Variants in DAAM1 observed in about 807,000 individuals in gnomAD.
DAAM1 encodes the protein dishevelled associated activator of morphogenesis 1.
A neutral mutation model predicts 130.0 loss-of-function variants in DAAM1; 52 were observed. The observed-to-expected ratio is 0.40, with a 90% CI of 0.32 to 0.50. DAAM1 has a LOEUF of 0.50. Among genes scored for constraint, DAAM1 ranks in the 20% least tolerant of loss-of-function variants. The probability of loss-of-function intolerance (pLI) is 0.61; values close to 1 mark genes in which losing one functional copy is unlikely to be tolerated. For missense variants in DAAM1, 1,134 were observed against 1,303.8 expected, an observed-to-expected ratio of 0.87 and a Z score of 2.01; for synonymous variants, 452 against 444.5, an observed-to-expected ratio of 1.02 and a Z score of -0.21.
At chr14:59,354,443 C>CA (rs1427950882) in intron 19 of DAAM1, among the ~76,000 whole-genome samples, 4 of 152,142 alleles carry the variant, frequency 2.6e-5, no homozygotes, top group Non-Finnish European at 5.9e-5. Context: ...GTGCTTGATG[C>CA]ACTGCCCTAG....
chr14:59,285,807 A>T (rs1230915106), intron 2 of DAAM1, among the ~76,000 whole-genome samples: 2 of 152,066 alleles, frequency 1.3e-5, no homozygotes, highest in African/African-American at 4.8e-5. Context: ...GATTTAGAGA[A>T]CCAAACAGTG....
intron 1 of DAAM1, among the ~76,000 whole-genome samples, chr14:59,236,527 G>A (rs1053787113): frequency 6.6e-6 from 1 of 151,972 alleles, no homozygotes; most frequent in African/African-American, 2.4e-5. Flanking sequence ...TCTTCTTGTC[G>A]TCGTTTAAAT....
chr14:59,369,935 G>A lies in DAAM1; in HGVS notation c.*1076G>A, dbSNP rs976549114. 1 of 151,738 alleles carries A rather than the reference G, an allele frequency of 6.6e-6. No homozygotes were observed. Among genetic ancestry groups the A allele is most frequent in the Non-Finnish European group, 1.5e-5 (1 of 67,914 alleles). 9.4% of individuals were successfully genotyped at this position (151,738 alleles called of 1,614,324 possible). A position where few individuals can be genotyped will look rare whatever the true frequency, so the allele number is the denominator to read the frequency against. On this transcript the variant is annotated 3_prime_UTR_variant, in exon 25 of 25. Transcript: ENST00000360909. ...GATCTATTTATCTCTAAGTATATTT[G>A]AAGTGATTGCTGTTTATATGTTGTC...
intron 1 of DAAM1, among the ~76,000 whole-genome samples, chr14:59,217,319 T>C (rs780197719): frequency 2.0e-5 from 3 of 152,188 alleles, no homozygotes; most frequent in Non-Finnish European, 2.9e-5. Context: ...TAACACTTCA[T>C]GTACCCACCT....
chr14:59,202,360 A>G (rs1226380549), intron 1 of DAAM1, among the ~76,000 whole-genome samples: 1 of 152,206 alleles, frequency 6.6e-6, no homozygotes, highest in African/African-American at 2.4e-5. Flanking sequence ...AATGGCTTTA[A>G]AAAACATTTA....
chr14:59,352,401 G>A, intron 17 of DAAM1, 125 bp from the exon 18 acceptor site: 1 of 658,278 alleles, frequency 1.5e-6, no homozygotes, highest in Non-Finnish European at 2.5e-6. Context: ...TAACCTGTGA[G>A]CAGAGCTTAT....
chr14:59,211,141 A>G (rs899544566), intron 1 of DAAM1, among the ~76,000 whole-genome samples: 4 of 152,176 alleles, frequency 2.6e-5, no homozygotes, highest in African/African-American at 9.7e-5. Flanking sequence ...GCTTTAGGTA[A>G]TTTAAACAGA....
intron 3 of DAAM1, among the ~76,000 whole-genome samples, chr14:59,312,618 G>A (rs1486577342): frequency 6.6e-6 from 1 of 152,164 alleles, no homozygotes. Flanking sequence ...AAGTGATGTT[G>A]AGAAAAATAA....
At chr14:59,264,300 C>T (rs1882328447) in intron 2 of DAAM1, 1 of 153,754 alleles carries the variant, frequency 6.5e-6, no homozygotes, top group Admixed American at 6.4e-5. Context: ...GTACATTCTT[C>T]AGCTTAGCTT....
intron 12 of DAAM1, among the ~76,000 whole-genome samples, chr14:59,329,840 A>G (rs555922282): frequency 7.9e-5 from 12 of 152,338 alleles, no homozygotes; most frequent in Admixed American, 2.0e-4. Context: ...TTCGCGTTCT[A>G]CTGACCCCAC....
chr14:59,326,826 A>C (rs1249570509), intron 11 of DAAM1, 107 bp from the exon 12 acceptor site: 1 of 1,534,310 alleles, frequency 6.5e-7, no homozygotes, highest in Non-Finnish European at 8.9e-7. Flanking sequence ...TCAAGCATGC[A>C]CTGAGGATTT....
chr14:59,234,330 G>C (rs1416839158), intron 1 of DAAM1, among the ~76,000 whole-genome samples: 1 of 152,072 alleles, frequency 6.6e-6, no homozygotes, highest in East Asian at 1.9e-4. Flanking sequence ...AGTTCTCCTT[G>C]AAGAAGTCCT....
chr14:59,296,331 G>A (rs1327118682), intron 3 of DAAM1, among the ~76,000 whole-genome samples: 1 of 152,116 alleles, frequency 6.6e-6, no homozygotes, highest in Non-Finnish European at 1.5e-5. Flanking sequence ...TGGAGTATCT[G>A]GTGTTTCACT....
At chr14:59,273,955 C>G (rs556234177) in intron 2 of DAAM1, among the ~76,000 whole-genome samples, 11 of 152,164 alleles carry the variant, frequency 7.2e-5, no homozygotes, top group Admixed American at 2.0e-4. Flanking sequence ...TCTGAACAGT[C>G]CTTGAATATT....
At chr14:59,239,868 A>G (rs1301096268) in intron 1 of DAAM1, among the ~76,000 whole-genome samples, 3 of 152,176 alleles carry the variant, frequency 2.0e-5, no homozygotes, top group Non-Finnish European at 4.4e-5. Context: ...TTAGCACCAT[A>G]CATACCGAAA....
At chr14:59,367,639 G>A in intron 24 of DAAM1, 40 bp downstream of exon 24, 1 of 1,592,280 alleles carries the variant, frequency 6.3e-7, no homozygotes, top group Non-Finnish European at 8.6e-7. Context: ...CCTCCTAGAA[G>A]TTCTATGACT....
chr14:59,320,629 C>T (rs1187721875), intron 5 of DAAM1, 45 bp downstream of exon 5: 1 of 1,435,364 alleles, frequency 7.0e-7, no homozygotes, highest in South Asian at 1.4e-5. Flanking sequence ...TCTCTCCTTC[C>T]TTCCTTTTTT....
intron 1 of DAAM1, among the ~76,000 whole-genome samples, chr14:59,240,239 C>G (rs1051672930): frequency 6.6e-6 from 1 of 152,168 alleles, no homozygotes; most frequent in Non-Finnish European, 1.5e-5. Context: ...ATTATTACTT[C>G]ATCTCTCGAG....
intron 1 of DAAM1, among the ~76,000 whole-genome samples, chr14:59,212,806 G>T (rs10220529): frequency 0.17 from 25,916 of 152,106 alleles, 2,488 homozygotes; most frequent in East Asian, 0.33. Context: ...ATGGAATATT[G>T]TTTATTTCTC....
Sources: gnomAD v4.1 joint callset for allele counts (sites outside exome capture counted in the v4.1 genomes callset) on GRCh38, gnomAD v4.1.1 for gene constraint, MANE v1.5 for transcripts, NCBI Gene and HGNC (gene_info 2026-07-23, HGNC 2026-07-21) for gene names.